Variants in RTL4 observed in about 807,000 individuals in gnomAD.
RTL4 encodes retrotransposon Gag like 4.
Under a neutral mutation model 5.3 loss-of-function variants are expected in RTL4, and 4 were observed. That is an observed-to-expected ratio of 0.75 (90% CI 0.37 to 1.72). The LOEUF (loss-of-function observed/expected upper bound fraction) is 1.72. RTL4 is among the 40% of genes most tolerant of loss of function. The pLI is 0.04. For missense variants in RTL4, 260 were observed against 227.1 expected (o/e 1.14, Z -0.93); for synonymous variants, 98 against 87.3 (o/e 1.12, Z -0.68).
the RTL4 span, among the ~76,000 whole-genome samples, chrX:112,429,818 T>G: frequency 3.0e-4 from 33 of 111,010 alleles, no homozygotes; most frequent in Non-Finnish European, 6.1e-4. Flanking sequence ...GTGTATAGAA[T>G]TCTATGTTGG....
At chrX:112,354,468 G>A in the RTL4 span, among the ~76,000 whole-genome samples, 23,046 of 110,771 alleles carry the variant, frequency 0.21, 1,835 homozygotes, top group Admixed American at 0.32. Context: ...ATAGAAATAT[G>A]ATCCCATAAA....
chrX:112,386,406 A>G, the RTL4 span, among the ~76,000 whole-genome samples: 2 of 110,994 alleles, frequency 1.8e-5, no homozygotes, highest in African/African-American at 6.6e-5. Context: ...ATTTGGTTAC[A>G]TGTGTAAGTT....
At chrX:112,395,680 C>T in the RTL4 span, among the ~76,000 whole-genome samples, 1 of 111,424 alleles carries the variant, frequency 9.0e-6, no homozygotes, top group South Asian at 3.8e-4. Context: ...CATCCTGTCA[C>T]GCATGACTCT....
the RTL4 span, among the ~76,000 whole-genome samples, chrX:112,281,876 T>C: frequency 8.9e-6 from 1 of 112,136 alleles, no homozygotes; most frequent in Non-Finnish European, 1.9e-5. Context: ...TCCTTATATA[T>C]TTTTACTATT....
the RTL4 span, among the ~76,000 whole-genome samples, chrX:112,426,963 A>G: frequency 9.0e-6 from 1 of 111,263 alleles, no homozygotes; most frequent in Admixed American, 9.6e-5. Context: ...TCCAAAAAAC[A>G]GAAGGCACCA....
the RTL4 span, among the ~76,000 whole-genome samples, chrX:112,171,918 C>A: frequency 8.9e-6 from 1 of 112,090 alleles, no homozygotes; most frequent in African/African-American, 3.2e-5. Flanking sequence ...TCAGAGTGAA[C>A]AGACAACCTA....
At chrX:112,194,843 A>C in the RTL4 span, among the ~76,000 whole-genome samples, 1 of 112,244 alleles carries the variant, frequency 8.9e-6, no homozygotes, top group Non-Finnish European at 1.9e-5. Context: ...CAAACAGAAT[A>C]TACTAAGTTT....
the RTL4 span, among the ~76,000 whole-genome samples, chrX:112,084,685 C>CT: frequency 9.0e-6 from 1 of 111,066 alleles, no homozygotes; most frequent in Non-Finnish European, 1.9e-5. Context: ...GGGCATTTCC[C>CT]TTTTTTTAGC....
At chrX:112,270,956 T>C in the RTL4 span, among the ~76,000 whole-genome samples, 7 of 105,162 alleles carry the variant, frequency 6.7e-5, no homozygotes, top group Non-Finnish European at 1.4e-4. Context: ...TTAGACGTCA[T>C]AGTTCCTAAG....
the RTL4 span, among the ~76,000 whole-genome samples, chrX:112,372,290 T>C: frequency 8.9e-6 from 1 of 111,828 alleles, no homozygotes; most frequent in Admixed American, 9.5e-5. Context: ...ATGTATGTTA[T>C]ATAGTGTAGC....
At chrX:112,133,398 G>T in the RTL4 span, among the ~76,000 whole-genome samples, 1 of 111,770 alleles carries the variant, frequency 8.9e-6, no homozygotes, top group Non-Finnish European at 1.9e-5. Context: ...ATGCTCAATT[G>T]TATTAAAATG....
chrX:112,161,844 C>CCTTCCTTTCTTTCTTTCTTT, the RTL4 span, among the ~76,000 whole-genome samples: 96 of 40,041 alleles, frequency 2.4e-3, no homozygotes, highest in African/African-American at 9.4e-3. Context: ...TTCCTTCCTT[C>CCTTCCTTTCTTTCTTTCTTT]CTTTCTTTCT....
At chrX:112,179,266 G>C in the RTL4 span, among the ~76,000 whole-genome samples, 3 of 111,033 alleles carry the variant, frequency 2.7e-5, no homozygotes, top group Non-Finnish European at 5.7e-5. Flanking sequence ...GGGTCTAGAG[G>C]GAATCTGTGG....
At chrX:112,130,055 C>A in the RTL4 span, among the ~76,000 whole-genome samples, 1 of 110,680 alleles carries the variant, frequency 9.0e-6, no homozygotes, top group Non-Finnish European at 1.9e-5. Flanking sequence ...ACTAAGATGC[C>A]AATTATTTCC....
chrX:112,251,306 TTC>T, the RTL4 span, among the ~76,000 whole-genome samples: 1 of 112,166 alleles, frequency 8.9e-6, no homozygotes, highest in Admixed American at 9.5e-5. Flanking sequence ...ATCAAACTCT[TTC>T]TGTCTTTTTT....
chrX:112,219,927 G>A, the RTL4 span, among the ~76,000 whole-genome samples: 3 of 111,600 alleles, frequency 2.7e-5, no homozygotes, highest in Non-Finnish European at 5.6e-5. Flanking sequence ...CTTTCTCCAC[G>A]CCTTGCTTTC....
At chrX:112,161,826 TTCCTTC>T in the RTL4 span, among the ~76,000 whole-genome samples, 31 of 44,392 alleles carry the variant, frequency 7.0e-4, no homozygotes, top group African/African-American at 1.9e-3. Flanking sequence ...CCTTCCTTCC[TTCCTTC>T]CTTCCTTCCT....
chrX:112,083,722 T>C, the RTL4 span, among the ~76,000 whole-genome samples: 1 of 111,289 alleles, frequency 9.0e-6, no homozygotes, highest in African/African-American at 3.3e-5. Context: ...TCTTTACGCC[T>C]TCCTTTCACA....
At chrX:112,085,265 A>T in the RTL4 span, among the ~76,000 whole-genome samples, 1 of 112,498 alleles carries the variant, frequency 8.9e-6, no homozygotes, top group Non-Finnish European at 1.9e-5. Context: ...CCACTATCTG[A>T]CTAATTTAAG....
Sources: allele counts gnomAD v4.1 joint callset (sites outside exome capture counted in the v4.1 genomes callset), GRCh38; gene constraint gnomAD v4.1.1; transcripts MANE v1.5; gene names NCBI Gene and HGNC (gene_info 2026-07-23, HGNC 2026-07-21).